The following LOC400499 variants were observed in gnomAD, a reference collection of about 807,000 sequenced individuals.
At chr16:11,393,430 C>A in the LOC400499 span, 1 of 1,232,328 alleles carries the variant, frequency 8.1e-7, no homozygotes, top group Non-Finnish European at 1.0e-6. Context: ...CAGCTTGGGG[C>A]CCGGAACACA....
chr16:11,493,485 G>C, the LOC400499 span, among the ~76,000 whole-genome samples: 1 of 152,162 alleles, frequency 6.6e-6, no homozygotes, highest in East Asian at 1.9e-4. Flanking sequence ...CTACACACAG[G>C]CTTAGACCTG....
At chr16:11,483,011 T>G in the LOC400499 span, among the ~76,000 whole-genome samples, 1 of 151,974 alleles carries the variant, frequency 6.6e-6, no homozygotes, top group Non-Finnish European at 1.5e-5. Context: ...AAGATTTGAA[T>G]GTACATTTCA....
At chr16:11,469,510 T>A in the LOC400499 span, 2 of 398,936 alleles carry the variant, frequency 5.0e-6, no homozygotes, top group Non-Finnish European at 4.4e-6. Context: ...GACATTACCG[T>A]CCAGCTCGAT....
At chr16:11,438,370 G>C in the LOC400499 span, among the ~76,000 whole-genome samples, 2 of 152,104 alleles carry the variant, frequency 1.3e-5, no homozygotes, top group African/African-American at 4.8e-5. Context: ...ACCTGTGAAA[G>C]CTCATGCCTC....
chr16:11,376,632 C>T, the LOC400499 span, among the ~76,000 whole-genome samples: 1 of 152,078 alleles, frequency 6.6e-6, no homozygotes, highest in Non-Finnish European at 1.5e-5. Context: ...ATAAGACGTC[C>T]AAATTTGTTC....
chr16:11,507,414 G>A, the LOC400499 span, among the ~76,000 whole-genome samples: 1 of 152,166 alleles, frequency 6.6e-6, no homozygotes, highest in African/African-American at 2.4e-5. Flanking sequence ...ACAGCACCCA[G>A]GGCGAGAAAC....
At chr16:11,426,459 C>G in the LOC400499 span, among the ~76,000 whole-genome samples, 17 of 151,970 alleles carry the variant, frequency 1.1e-4, no homozygotes, top group Non-Finnish European at 1.6e-4. Context: ...ACAACAACAA[C>G]AAAAACTCTG....
At chr16:11,383,318 C>T in the LOC400499 span, among the ~76,000 whole-genome samples, 6,493 of 152,252 alleles carry the variant, frequency 0.043, 469 homozygotes, top group African/African-American at 0.15. Flanking sequence ...GCACCCACCT[C>T]AGCCTCCCAA....
At chr16:11,481,930 C>T in the LOC400499 span, among the ~76,000 whole-genome samples, 3 of 152,086 alleles carry the variant, frequency 2.0e-5, no homozygotes, top group African/African-American at 4.8e-5. Context: ...CCACCATGCC[C>T]GGCCAATTGC....
At chr16:11,476,883 C>T in the LOC400499 span, 3 of 399,552 alleles carry the variant, frequency 7.5e-6, no homozygotes, top group South Asian at 3.8e-4. Flanking sequence ...TGGTCACCCA[C>T]CTCAGCCCGG....
chr16:11,461,072 C>G, the LOC400499 span: 2 of 1,536,064 alleles, frequency 1.3e-6, no homozygotes, highest in Middle Eastern at 1.7e-4. Flanking sequence ...AGCTCGGCAC[C>G]CAGGGCGGCC....
the LOC400499 span, among the ~76,000 whole-genome samples, chr16:11,473,896 C>A: frequency 6.6e-6 from 1 of 152,206 alleles, no homozygotes; most frequent in Non-Finnish European, 1.5e-5. Context: ...TCCTTGGTCA[C>A]CCCGGCTTGA....
At chr16:11,390,050 T>C in the LOC400499 span, 2 of 1,138,738 alleles carry the variant, frequency 1.8e-6, no homozygotes, top group African/African-American at 1.6e-5. Flanking sequence ...CATTCAGCAC[T>C]GCACCTGGTA....
At chr16:11,453,283 C>A in the LOC400499 span, among the ~76,000 whole-genome samples, 1 of 152,178 alleles carries the variant, frequency 6.6e-6, no homozygotes, top group African/African-American at 2.4e-5. Flanking sequence ...TTAATTAAGT[C>A]CTCAGGCAGC....
the LOC400499 span, among the ~76,000 whole-genome samples, chr16:11,431,865 G>A: frequency 9.8e-5 from 15 of 152,300 alleles, no homozygotes; most frequent in East Asian, 1.4e-3. Flanking sequence ...AATCAGGACT[G>A]GCCTTGTGAC....
At chr16:11,474,200 G>A in the LOC400499 span, among the ~76,000 whole-genome samples, 2 of 152,180 alleles carry the variant, frequency 1.3e-5, no homozygotes, top group African/African-American at 2.4e-5. Context: ...AGTCTAGCTT[G>A]CAACTACTCA....
At chr16:11,427,571 G>A in the LOC400499 span, among the ~76,000 whole-genome samples, 6 of 151,618 alleles carry the variant, frequency 4.0e-5, no homozygotes, top group East Asian at 7.7e-4. Flanking sequence ...CAGCCTCCAT[G>A]TAGCTGGGAC....
the LOC400499 span, chr16:11,398,656 C>A: frequency 1.9e-6 from 1 of 519,968 alleles, no homozygotes; most frequent in Non-Finnish European, 2.8e-6. Context: ...CCCTTACACT[C>A]TGCGGCAGGA....
chr16:11,451,201 T>C, the LOC400499 span, among the ~76,000 whole-genome samples: 1 of 152,218 alleles, frequency 6.6e-6, no homozygotes, highest in Non-Finnish European at 1.5e-5. Context: ...TGGGGTCAAC[T>C]GTTAATAGCA....
Sources: gnomAD v4.1 joint callset for allele counts (sites outside exome capture counted in the v4.1 genomes callset) on GRCh38, gnomAD v4.1.1 for gene constraint, MANE v1.5 for transcripts.